Variants in FBXW7 observed in about 807,000 individuals in gnomAD.
The protein encoded by FBXW7 is F-box and WD repeat domain containing 7.
Under a neutral mutation model 86.3 loss-of-function variants are expected in FBXW7, and 11 were observed. The observed-to-expected ratio is 0.13, with a 90% confidence interval of 0.08 to 0.21. FBXW7 has a LOEUF of 0.21. FBXW7 is among the 10% of genes least tolerant of loss of function. The pLI is 1.00. For missense variants in FBXW7, 488 were observed against 847.4 expected, an observed-to-expected ratio of 0.58 and a Z score of 5.27; for synonymous variants, 313 against 297.9, an observed-to-expected ratio of 1.05 and a Z score of -0.52.
chr4:152,414,935 T>C (rs910538960), intron 2 of FBXW7, among the ~76,000 whole-genome samples: 3 of 152,148 alleles, frequency 2.0e-5, no homozygotes, highest in African/African-American at 7.2e-5. Context: ...TTTTAGTGAC[T>C]ATCCTTTGTT....
Position 152,387,708 on chromosome 4 carries a change from C to CTTTTTTTT in FBXW7, c.501+23587_501+23594dup, listed in dbSNP as rs34073737. ...ATCAAAGAAAAAAAACATGGCATAC[C>CTTTTTTTT]TTTTTTTTTTTTTTTTTTGAGACTG... is the stretch of plus-strand genomic sequence containing the variant. On this transcript the variant is annotated intron_variant, in intron 4 of 13. Transcript: ENST00000281708. Among the ~76,000 whole-genome samples, 1,070 of 112,742 alleles carry CTTTTTTTT rather than the reference C, an allele frequency of 9.5e-3. 58 individuals are homozygous for CTTTTTTTT. Among genetic ancestry groups the CTTTTTTTT allele is most frequent in the African/African-American group, 0.035 (972 of 28,132 alleles). 74.0% of individuals were successfully genotyped at this position (112,742 alleles called of 152,430 possible). A position where few individuals can be genotyped will look rare whatever the true frequency, so the allele number is the denominator to read the frequency against.
At position 152,323,654 on chromosome 4, in the gene FBXW7, A is replaced by G. The variant is rs573598151; in HGVS notation, c.1856-505T>C. The G allele has an allele frequency of 4.0e-4, 68 of 169,766 alleles. 1 individual carries two copies. In the South Asian group the frequency reaches 6.1e-3, roughly 15 times the overall value. The allele number at this position is 169,766 out of a possible 1,614,324, so 10.5% of individuals were successfully genotyped here. A position where few individuals can be genotyped will look rare whatever the true frequency, so the allele number is the denominator to read the frequency against. On this transcript the variant is annotated intron_variant, in intron 13 of 13. Transcript: ENST00000281708. ...CTTTCTAAGGGCTATAACAAATAGA[A>G]AAAGTTAATCATGAGGCACTGCTGT... is the stretch of plus-strand genomic sequence containing the variant.
chr4:152,425,890 G>A (rs1174430785), intron 2 of FBXW7, among the ~76,000 whole-genome samples: 1 of 152,088 alleles, frequency 6.6e-6, no homozygotes, highest in African/African-American at 2.4e-5. Context: ...CATTGTTCAG[G>A]GTGAACAGAA....
chr4:152,522,032 A>G (rs1421457353), intron 2 of FBXW7, among the ~76,000 whole-genome samples: 1 of 151,894 alleles, frequency 6.6e-6, no homozygotes, highest in Non-Finnish European at 1.5e-5. Flanking sequence ...AGTAAACAGG[A>G]AAAGTGTACA....
intron 11 of FBXW7, among the ~76,000 whole-genome samples, chr4:152,327,102 A>G (rs1729107496): frequency 6.6e-6 from 1 of 152,078 alleles, no homozygotes; most frequent in Admixed American, 6.6e-5. Flanking sequence ...GAAGAGATAA[A>G]GAAATACCAC....
chr4:152,333,358 G>T (rs186732027), intron 7 of FBXW7, among the ~76,000 whole-genome samples: 1 of 151,896 alleles, frequency 6.6e-6, no homozygotes, highest in Non-Finnish European at 1.5e-5. Context: ...CCACATAAGA[G>T]TTGTATATTT....
intron 2 of FBXW7, among the ~76,000 whole-genome samples, chr4:152,419,499 AC>A (rs879340505): frequency 0.013 from 1,871 of 147,918 alleles, 25 homozygotes; most frequent in Middle Eastern, 0.038. Flanking sequence ...AGGTAAACAC[AC>A]ACACACACAC....
At chr4:152,362,817 ACT>A (rs1458900365) in intron 4 of FBXW7, among the ~76,000 whole-genome samples, 4 of 125,962 alleles carry the variant, frequency 3.2e-5, no homozygotes, top group African/African-American at 8.4e-5. Context: ...ACAGAGTGAA[ACT>A]CTCTCTCTCA....
At chr4:152,391,889 C>T (rs1466149006) in intron 4 of FBXW7, among the ~76,000 whole-genome samples, 2 of 152,096 alleles carry the variant, frequency 1.3e-5, no homozygotes, top group African/African-American at 4.8e-5. Context: ...AATGTTACAT[C>T]CTAACTTAGT....
intron 4 of FBXW7, among the ~76,000 whole-genome samples, chr4:152,360,582 TGTCTG>T (rs1444838524): frequency 1.3e-5 from 2 of 152,042 alleles, no homozygotes; most frequent in Non-Finnish European, 2.9e-5. Flanking sequence ...ACACCTCTAC[TGTCTG>T]GCCCCCAGAC....
intron 2 of FBXW7, among the ~76,000 whole-genome samples, chr4:152,477,534 G>GA (rs1560947023): frequency 3.3e-5 from 5 of 151,978 alleles, no homozygotes; most frequent in East Asian, 1.9e-4. Context: ...AAATTTGGGG[G>GA]AAAAAATAGT....
chr4:152,512,123 T>C (rs1334126771), intron 2 of FBXW7, among the ~76,000 whole-genome samples: 5 of 152,236 alleles, frequency 3.3e-5, no homozygotes, highest in African/African-American at 1.2e-4. Flanking sequence ...TTTACTATAC[T>C]GTTTCTTCTT....
chr4:152,344,160 T>C (rs1393143773), intron 6 of FBXW7, among the ~76,000 whole-genome samples: 1 of 152,132 alleles, frequency 6.6e-6, no homozygotes, highest in African/African-American at 2.4e-5. Context: ...ACTCCCCACT[T>C]TATTATGAAA....
At chr4:152,427,789 A>G (rs908817972) in intron 2 of FBXW7, among the ~76,000 whole-genome samples, 4 of 152,248 alleles carry the variant, frequency 2.6e-5, no homozygotes, top group South Asian at 2.1e-4. Flanking sequence ...CTTTTAAAAC[A>G]TAAGTATAAT....
intron 4 of FBXW7, chr4:152,352,556 G>A (rs751929497): frequency 1.4e-5 from 23 of 1,613,676 alleles, no homozygotes; most frequent in South Asian, 6.6e-5. Flanking sequence ...CCGTGTGTCC[G>A]GCTGCTTGGC....
intron 6 of FBXW7, among the ~76,000 whole-genome samples, chr4:152,340,315 T>G (rs1477158485): frequency 6.6e-6 from 1 of 152,122 alleles, no homozygotes; most frequent in African/African-American, 2.4e-5. Flanking sequence ...CAGTGGCTCA[T>G]GCCTGTAATC....
chr4:152,496,653 T>C (rs562070657), intron 2 of FBXW7, among the ~76,000 whole-genome samples: 1 of 149,976 alleles, frequency 6.7e-6, no homozygotes, highest in South Asian at 2.1e-4. Flanking sequence ...CAAGACTCCA[T>C]CTCAAAAAAA....
intron 2 of FBXW7, among the ~76,000 whole-genome samples, chr4:152,425,324 T>G (rs1739283724): frequency 6.6e-6 from 1 of 152,218 alleles, no homozygotes; most frequent in Non-Finnish European, 1.5e-5. Context: ...AATTCTATTT[T>G]AAGCCCAGCA....
At chr4:152,370,716 G>A (rs548677608) in intron 4 of FBXW7, among the ~76,000 whole-genome samples, 2 of 151,978 alleles carry the variant, frequency 1.3e-5, no homozygotes, top group South Asian at 2.1e-4. Context: ...TAAGATGTAC[G>A]TTTGAGAAAT....
Sources: allele counts gnomAD v4.1 joint callset (sites outside exome capture counted in the v4.1 genomes callset), GRCh38; gene constraint gnomAD v4.1.1; transcripts MANE v1.5; gene names NCBI Gene and HGNC (gene_info 2026-07-23, HGNC 2026-07-21).